Variants in ACACA observed in about 807,000 individuals in gnomAD.
ACACA encodes acetyl-CoA carboxylase 1.
Under a neutral mutation model 296.1 loss-of-function variants are expected in ACACA, and 103 were observed. The observed-to-expected ratio is 0.35, with a 90% CI of 0.30 to 0.41. The LOEUF (loss-of-function observed/expected upper bound fraction) is 0.41, where lower values mean the gene tolerates loss of function less well. Ranked by LOEUF, ACACA falls within the 10% of genes least tolerant of loss-of-function variation. The pLI, the probability that ACACA is intolerant of heterozygous loss-of-function variation, is 1.00. For synonymous variants in ACACA, 953 were observed against 1,038.6 expected (o/e 0.92, Z 1.58); for missense variants, 1,554 against 2,989.7 (o/e 0.52, Z 11.20).
chr17:37,282,076 T>G (rs1360455427), intron 5 of ACACA, among the ~76,000 whole-genome samples: 1 of 152,206 alleles, frequency 6.6e-6, no homozygotes, highest in African/African-American at 2.4e-5. Context: ...CATATTGAAT[T>G]GTAATCCCCA....
In ACACA at chr17:37,192,174, T is replaced by A. The variant is rs1024383090; in HGVS notation, c.4332A>T (p.Ala1444=). 1 of 1,613,974 alleles carries A rather than the reference T, an allele frequency of 6.2e-7. No homozygotes were observed. Among genetic ancestry groups the A allele is most frequent in the African/African-American group, 1.3e-5 (1 of 74,886 alleles). ...CTTCTGTGCCCACTTCCACCTTGGC[T>A]GCCCCGAGATACAGGTGCATCTTGT... ...ANHKMHLYLG[A]AKVEVGTEVT... The change falls in exon 37 of 56, where the codon GCA becomes GCT. Residue 1444 remains alanine, a synonymous_variant. Coordinates refer to ENST00000616317, the MANE Select transcript of ACACA (RefSeq NM_198834.3).
At chr17:37,373,857 G>C (rs1456688484) in intron 1 of ACACA, among the ~76,000 whole-genome samples, 1 of 152,146 alleles carries the variant, frequency 6.6e-6, no homozygotes, top group Non-Finnish European at 1.5e-5. Flanking sequence ...TAAGGAAATA[G>C]TAAGCAAAAA....
chr17:37,286,718 C>A (rs1433992289), intron 3 of ACACA, among the ~76,000 whole-genome samples: 1 of 152,126 alleles, frequency 6.6e-6, no homozygotes, highest in Non-Finnish European at 1.5e-5. Context: ...CCTTGCCATG[C>A]TCACTCATCC....
chr17:37,120,156 G>A (rs569362333), intron 50 of ACACA, among the ~76,000 whole-genome samples: 1 of 152,144 alleles, frequency 6.6e-6, no homozygotes, highest in Non-Finnish European at 1.5e-5. Context: ...GCCTCCCAAA[G>A]TGCTGGGATT....
chr17:37,206,685 A>T, intron 32 of ACACA, 98 bp downstream of exon 32: 2 of 1,011,082 alleles, frequency 2.0e-6, no homozygotes, highest in South Asian at 2.8e-5. Context: ...TAAAAGGATG[A>T]ATTCTTTCCT....
intron 24 of ACACA, 113 bp downstream of exon 24, chr17:37,240,363 A>G: frequency 1.2e-6 from 1 of 826,114 alleles, no homozygotes. Context: ...TATTAATGGG[A>G]AGTGTTGTTG....
chr17:37,244,572 G>A lies in ACACA; in HGVS notation c.2742+16C>T, dbSNP rs1332391179. ...TCCCATTTGTACATCCCTTCCCCAG[G>A]AGACGTGATACATACCTTGCTGCTA... On this transcript the variant is annotated intron_variant, in intron 21 of 55. Transcript: ENST00000616317. 5 of 1,613,746 alleles carry A rather than the reference G, an allele frequency of 3.1e-6. No homozygotes were observed. The highest frequency in any genetic ancestry group is 1.7e-5 in the Admixed American group (1 of 60,020).
intron 1 of ACACA, among the ~76,000 whole-genome samples, chr17:37,349,046 ATTCT>A (rs1256835589): frequency 6.6e-6 from 1 of 151,144 alleles, no homozygotes; most frequent in Non-Finnish European, 1.5e-5. Flanking sequence ...AAAACAACAT[ATTCT>A]TTATTATTTA....
At chr17:37,355,086 T>C (rs2049071387) in intron 1 of ACACA, among the ~76,000 whole-genome samples, 1 of 150,574 alleles carries the variant, frequency 6.6e-6, no homozygotes, top group African/African-American at 2.5e-5. Flanking sequence ...TCTATTAATA[T>C]ACAAAAATTA....
intron 3 of ACACA, among the ~76,000 whole-genome samples, chr17:37,300,497 T>C (rs2083568214): frequency 6.6e-6 from 1 of 152,094 alleles, no homozygotes; most frequent in South Asian, 2.1e-4. Flanking sequence ...CCATAAAAAA[T>C]TTATTCCCAT....
intron 2 of ACACA, among the ~76,000 whole-genome samples, chr17:37,333,100 G>A (rs2047960456): frequency 6.6e-6 from 1 of 152,098 alleles, no homozygotes; most frequent in African/African-American, 2.4e-5. Flanking sequence ...AGCAACTACT[G>A]CTCAGCTGGC....
chr17:37,092,758 G>C (rs1374244204), intron 54 of ACACA, among the ~76,000 whole-genome samples: 1 of 152,222 alleles, frequency 6.6e-6, no homozygotes, highest in Non-Finnish European at 1.5e-5. Flanking sequence ...AGCTAGGGAG[G>C]CTCCTCCCAT....
intron 29 of ACACA, among the ~76,000 whole-genome samples, chr17:37,213,700 G>T (rs1400730884): frequency 2.0e-5 from 3 of 152,176 alleles, no homozygotes; most frequent in Non-Finnish European, 4.4e-5. Context: ...AAAGACAAGA[G>T]AAATCCTGTG....
chr17:37,274,803 A>C (rs997631440), intron 8 of ACACA: 19 of 312,412 alleles, frequency 6.1e-5, no homozygotes, highest in Non-Finnish European at 7.5e-5. Context: ...CCATTCAAAC[A>C]AGAACAAATT....
At chr17:37,263,919 A>C in intron 10 of ACACA, 25 bp from the exon 11 acceptor site, 3 of 1,599,332 alleles carry the variant, frequency 1.9e-6, no homozygotes, top group Non-Finnish European at 2.6e-6. Context: ...GGGGAAAAAA[A>C]AAACCAATTC....
rs1361200993 is a variant in ACACA at position 37,144,073 on chromosome 17, A to G, written c.5679+5791T>C. 6.6e-6 allele frequency: 5 copies of G among 763,222 alleles called. No homozygotes were observed. In the African/African-American group the frequency reaches 8.6e-5, roughly 13 times the overall value. The allele number at this position is 763,222 out of a possible 1,614,324, so 47.3% of individuals were successfully genotyped here. The stretch of plus-strand genomic sequence containing the variant: ...CCCTTCAGGAGGGACGTAGGTTTTC[A>G]TTTCTCTTTCATAATGGGTCTTGTC... On this transcript the variant is annotated intron_variant, in intron 45 of 55. Coordinates refer to ENST00000616317, the MANE Select transcript of ACACA (RefSeq NM_198834.3).
At chr17:37,268,309 T>C (rs1369925464) in intron 10 of ACACA, among the ~76,000 whole-genome samples, 3 of 152,236 alleles carry the variant, frequency 2.0e-5, no homozygotes, top group African/African-American at 7.2e-5. Context: ...GGAAAGGATT[T>C]ACATTTGCTT....
intron 43 of ACACA, 97 bp from the exon 44 acceptor site, chr17:37,151,518 T>C (rs1597985074): frequency 3.5e-6 from 5 of 1,442,552 alleles, no homozygotes; most frequent in Non-Finnish European, 4.8e-6. Context: ...AAAAGTGTAT[T>C]GAAAGCTTAT....
At chr17:37,325,218 T>C (rs1310798133) in intron 3 of ACACA, among the ~76,000 whole-genome samples, 1 of 150,050 alleles carries the variant, frequency 6.7e-6, no homozygotes, top group Non-Finnish European at 1.5e-5. Context: ...AAAAAAAAAT[T>C]AGTGCGGCAT....
Sources: gnomAD v4.1 joint callset for allele counts (sites outside exome capture counted in the v4.1 genomes callset) on GRCh38, gnomAD v4.1.1 for gene constraint, MANE v1.5 for transcripts, NCBI Gene and HGNC (gene_info 2026-07-23, HGNC 2026-07-21) for gene names.